PIK3C2A: variants seen among roughly 807,000 people sequenced by gnomAD.
PIK3C2A encodes the protein phosphatidylinositol-4-phosphate 3-kinase catalytic subunit type 2 alpha.
PIK3C2A carries 97 observed loss-of-function variants against 204.5 expected under a neutral mutation model. The observed-to-expected ratio is 0.47, with a 90% CI of 0.40 to 0.56. The LOEUF (loss-of-function observed/expected upper bound fraction) is 0.56, where lower values mean the gene tolerates loss of function less well. Ranked by LOEUF, PIK3C2A falls within the 20% of genes least tolerant of loss-of-function variation. The pLI is 0.00. For missense variants in PIK3C2A, 1,735 were observed against 1,969.2 expected (o/e 0.88, Z 2.25); for synonymous variants, 653 against 664.4 (o/e 0.98, Z 0.26).
At chr11:17,196,271 A>C (rs1852151477) in intron 1 of PIK3C2A, among the ~76,000 whole-genome samples, 1 of 152,176 alleles carries the variant, frequency 6.6e-6, no homozygotes, top group Non-Finnish European at 1.5e-5. Flanking sequence ...TTTTAGGTAT[A>C]ATAGGAAGCC....
In PIK3C2A at chr11:17,122,877, C is replaced by T. The variant is rs372790403; in HGVS notation, c.2400-64G>A. 7.1e-5 allele frequency: 50 copies of T among 702,704 alleles called. No homozygotes were observed. In the South Asian group the frequency reaches 8.6e-4, roughly 12 times the overall value. The allele number at this position is 702,704 out of a possible 1,614,324, so 43.5% of individuals were successfully genotyped here. The stretch of plus-strand genomic sequence containing the variant: ...AAAAATCAATTCAAAATTTACAACA[C>T]ATGTAATGAATTTGAAAAGTTAGTA... On this transcript the variant is annotated intron_variant, in intron 13 of 32. Coordinates refer to ENST00000691414, the MANE Select transcript of PIK3C2A (RefSeq NM_002645.4).
Position 17,119,313 on chromosome 11 carries a change from T to C in PIK3C2A, c.2847A>G (p.Lys949=), listed in dbSNP as rs974956834. ...PLIALELLDS[K]FADQEVRSLA... is the part of the protein sequence containing the mutation. ...GGGATCTTACTTCCTGATCAGCAAATCTAGAAGATTACCATAAAACCAAGA... is the reference window on the plus strand; with the variant it reads ...GGGATCTTACTTCCTGATCAGCAAACCTAGAAGATTACCATAAAACCAAGA... The change falls in exon 17 of 33, where the codon AAA becomes AAG. Residue 949 remains lysine (K), a splice_region_variant and synonymous_variant. Coordinates refer to ENST00000691414, the MANE Select transcript of PIK3C2A (RefSeq NM_002645.4). 2 of 1,574,614 alleles carry C rather than the reference T, an allele frequency of 1.3e-6. No individual in the cohort carries two copies. The highest frequency in any genetic ancestry group is 1.7e-6 in the Non-Finnish European group (2 of 1,145,698).
chr11:17,207,488 TC>T (rs1406940304), intron 1 of PIK3C2A, among the ~76,000 whole-genome samples: 1 of 151,994 alleles, frequency 6.6e-6, no homozygotes, highest in African/African-American at 2.4e-5. Flanking sequence ...TCCAGCCCGG[TC>T]CCGCGGGACA....
chr11:17,165,762 A>G (rs1850922383), intron 2 of PIK3C2A, among the ~76,000 whole-genome samples: 1 of 140,190 alleles, frequency 7.1e-6, no homozygotes, highest in African/African-American at 2.7e-5. Context: ...GCAACAAGAG[A>G]GAAACTGTCT....
chr11:17,191,103 G>A (rs1851926392), intron 1 of PIK3C2A, among the ~76,000 whole-genome samples: 1 of 152,198 alleles, frequency 6.6e-6, no homozygotes, highest in African/African-American at 2.4e-5. Flanking sequence ...ATGGAGTTAG[G>A]ATCAAATCCA....
chr11:17,129,374 G>C lies in PIK3C2A; in HGVS notation c.2325C>G (p.Ser775=). ...CCTTTCTCTGCTTATTAGAATCAGGGGAACTTCCACTGCTCTGATTTAAAA... is the reference window on the plus strand; with the variant it reads ...CCTTTCTCTGCTTATTAGAATCAGGCGAACTTCCACTGCTCTGATTTAAAA... The part of the protein sequence containing the change: ...FGILNQSSGS[S]PDSNKQRKGP... Residue 775 remains serine, a synonymous_variant, in exon 13 of 33, where the codon TCC becomes TCG. Coordinates refer to ENST00000691414, the MANE Select transcript of PIK3C2A (RefSeq NM_002645.4). 1 of 1,613,116 alleles carries C rather than the reference G, an allele frequency of 6.2e-7. No homozygotes were observed. Among genetic ancestry groups the C allele is most frequent in the Non-Finnish European group, 8.5e-7 (1 of 1,179,152 alleles).
At chr11:17,170,160 A>G (rs1352732364) in intron 1 of PIK3C2A, among the ~76,000 whole-genome samples, 2 of 152,228 alleles carry the variant, frequency 1.3e-5, no homozygotes, top group African/African-American at 4.8e-5. Flanking sequence ...TGCTAGTCAC[A>G]TATTTTCAAC....
chr11:17,106,446 C>G (rs780258509), intron 22 of PIK3C2A, among the ~76,000 whole-genome samples: 1 of 152,060 alleles, frequency 6.6e-6, no homozygotes, highest in Non-Finnish European at 1.5e-5. Flanking sequence ...CAAGTCTGGC[C>G]GCCAATCAAA....
At chr11:17,096,111 T>G (rs1258810680) in intron 27 of PIK3C2A, among the ~76,000 whole-genome samples, 1 of 151,960 alleles carries the variant, frequency 6.6e-6, no homozygotes, top group Non-Finnish European at 1.5e-5. Flanking sequence ...CAATATTGGC[T>G]TACTGCAACC....
chr11:17,201,735 T>C (rs764368263), intron 1 of PIK3C2A, among the ~76,000 whole-genome samples: 1 of 152,168 alleles, frequency 6.6e-6, no homozygotes, highest in African/African-American at 2.4e-5. Context: ...TTAACTCTTA[T>C]CTATTTTCCA....
In PIK3C2A at chr11:17,134,921, C is replaced by A; in HGVS notation, c.2006G>T (p.Cys669Phe). 6.2e-7 allele frequency: 1 copy of A among 1,614,030 alleles called. No individual in the cohort carries two copies. Among genetic ancestry groups the A allele is most frequent in the Non-Finnish European group, 8.5e-7 (1 of 1,179,902 alleles). The change falls in exon 11 of 33, where the codon TGT becomes TTT. Residue 669 changes from cysteine to phenylalanine, a missense_variant. By Grantham distance (205) the Cys-to-Phe change is radical (BLOSUM62 -2). This residue lies in a region of PIK3C2A where 567 missense variants were observed against 576.0 expected (regional missense o/e 0.98). Transcript: ENST00000691414. The stretch of plus-strand genomic sequence containing the variant: ...CTTGACACTCTTGCTACTTTGGGCA[C>A]AGTCTGTAGGACTCCTACCAGAATT... ...HANSGRSPTD[C>F]AQSSKSVKEA...
In PIK3C2A at chr11:17,114,372, A is replaced by T. The variant is rs1481279233; in HGVS notation, c.3310T>A (p.Leu1104Ile). The T allele has an allele frequency of 6.7e-7, 1 of 1,497,286 alleles. No individual in the cohort carries two copies. The highest frequency in any genetic ancestry group is 9.3e-7 in the Non-Finnish European group (1 of 1,073,810). The allele number at this position is 1,497,286 out of a possible 1,614,324, so 92.8% of individuals were successfully genotyped here. ...ATTTTATGTGTCACCTTAATATTTA[A>T]TTCTTTTGCCACTAGACTTGGCTTG... ...PLKPSLVAKE[L>I]NIKSCSFFSS... The change falls in exon 20 of 33, where the codon TTA becomes ATA. Residue 1104 changes from leucine (L) to isoleucine (I), a missense_variant. By Grantham distance (5) the Leu-to-Ile change is conservative (BLOSUM62 2). Transcript: ENST00000691414.
intron 13 of PIK3C2A, among the ~76,000 whole-genome samples, chr11:17,123,638 T>A (rs376146021): frequency 1.1e-4 from 16 of 152,124 alleles, no homozygotes; most frequent in East Asian, 7.7e-4. Context: ...GTAAATATTT[T>A]AGGCTTTGTG....
chr11:17,118,771 G>T, intron 17 of PIK3C2A, 32 bp from the exon 18 acceptor site: 1 of 1,019,504 alleles, frequency 9.8e-7, no homozygotes, highest in Non-Finnish European at 1.5e-6. Flanking sequence ...ATTATTAGTG[G>T]TCTAACCCAT....
intron 1 of PIK3C2A, among the ~76,000 whole-genome samples, chr11:17,174,923 A>AAT (rs1337343525): frequency 1.3e-5 from 2 of 152,154 alleles, no homozygotes; most frequent in Admixed American, 6.5e-5. Flanking sequence ...AATAAAATAA[A>AAT]AAATAAAAAA....
chr11:17,148,518 A>G, intron 5 of PIK3C2A, 149 bp downstream of exon 5: 1 of 672,270 alleles, frequency 1.5e-6, no homozygotes, highest in South Asian at 2.0e-5. Context: ...TAGACATTAT[A>G]TATTTCAATA....
intron 19 of PIK3C2A, among the ~76,000 whole-genome samples, chr11:17,116,382 AG>A (rs1185124261): frequency 6.6e-6 from 1 of 152,180 alleles, no homozygotes; most frequent in East Asian, 1.9e-4. Flanking sequence ...ATCAAAAAAC[AG>A]GAAAAAAAAC....
rs1312481344 is a variant in PIK3C2A, at chr11:17,092,088, A to G, written c.4570-20T>C. ...ATCACACTAAGAATAAAGAGAAAGC[A>G]ATTCATTAGTTTAAATATTATGTAA... On this transcript the variant is annotated intron_variant, in intron 29 of 32. Transcript: ENST00000691414. 2 of 1,565,508 alleles carry G rather than the reference A, an allele frequency of 1.3e-6. No individual in the cohort carries two copies. Among genetic ancestry groups the G allele is most frequent in the South Asian group, 1.1e-5 (1 of 90,096 alleles).
chr11:17,191,074 T>C (rs965755268), intron 1 of PIK3C2A, among the ~76,000 whole-genome samples: 1 of 152,250 alleles, frequency 6.6e-6, no homozygotes, highest in African/African-American at 2.4e-5. Flanking sequence ...AAAGAAATTA[T>C]GTCGGTTCTT....
Sources: gnomAD v4.1 joint callset for allele counts (sites outside exome capture counted in the v4.1 genomes callset) on GRCh38, gnomAD v4.1.1 for gene constraint, gnomAD v4.1.1 regional missense constraint, MANE v1.5 for transcripts, NCBI Gene and HGNC (gene_info 2026-07-23, HGNC 2026-07-21) for gene names.